Variants in ASB18 observed in about 807,000 individuals in gnomAD.
The protein encoded by ASB18 is ankyrin repeat and SOCS box containing 18.
A neutral mutation model predicts 33.4 loss-of-function variants in ASB18; 33 were observed. The observed-to-expected ratio is 0.99, with a 90% CI of 0.75 to 1.32. The LOEUF (loss-of-function observed/expected upper bound fraction) is 1.32. Ranked by LOEUF, ASB18 falls within the 40% of genes most tolerant of loss-of-function variation. The probability of loss-of-function intolerance (pLI) is 0.00; values close to 1 mark genes in which losing one functional copy is unlikely to be tolerated. For synonymous variants in ASB18, 295 were observed against 307.6 expected, an observed-to-expected ratio of 0.96 and a Z score of 0.43; for missense variants, 694 against 655.5, an observed-to-expected ratio of 1.06 and a Z score of -0.64.
At chr2:236,246,092 C>A (rs1460776530) in intron 1 of ASB18, among the ~76,000 whole-genome samples, 1 of 152,080 alleles carries the variant, frequency 6.6e-6, no homozygotes, top group Non-Finnish European at 1.5e-5. Context: ...GTAGCTCATG[C>A]CTATGATCCC....
At position 236,196,193 on chromosome 2, in the gene ASB18, G is replaced by A; in HGVS notation, c.1215+79C>T. On this transcript the variant is annotated intron_variant, in intron 5 of 5. Transcript: ENST00000409749. This position sits in a 1 kb window ranked among gnomAD's most constrained non-coding sequence, Gnocchi z 5.6. ...ATGTATAATACTTAGCCGAATATCA[G>A]TGCAAAACTCCCCATGCAAAGAAGC... 1 of 761,820 alleles carries A rather than the reference G, an allele frequency of 1.3e-6. No homozygotes were observed. Among genetic ancestry groups the A allele is most frequent in the Non-Finnish European group, 2.4e-6 (1 of 425,252 alleles). The allele number at this position is 761,820 out of a possible 1,614,324, so 47.2% of individuals were successfully genotyped here.
At position 236,196,118 on chromosome 2, in the gene ASB18, A is replaced by G. The variant is rs2060371288; in HGVS notation, c.1215+154T>C. ...TGTGTGATTATGGAGCCTCCAGAAA[A>G]AACCAGAAACGTGCAAATACACCCT... On this transcript the variant is annotated intron_variant, in intron 5 of 5. Transcript: ENST00000409749. This position sits in a 1 kb window ranked among gnomAD's most constrained non-coding sequence, Gnocchi z 5.6. The G allele has an allele frequency of 1.6e-5, 11 of 674,658 alleles. No individual in the cohort carries two copies. The South Asian group carries it at 1.8e-4, about 11-fold the overall frequency. The allele number at this position is 674,658 out of a possible 1,614,324, so 41.8% of individuals were successfully genotyped here.
Position 236,228,756 on chromosome 2 carries a change from A to C in ASB18, c.596+8933T>G. ...AGAGAGTACCAAAAAGAGTTGTCTC[A>C]GTAGCAGAAAAAAAAATTAACCTTA... On this transcript the variant is annotated intron_variant, in intron 3 of 5. Transcript: ENST00000409749. The surrounding 1 kb of genome is among the most constrained non-coding windows in gnomAD (Gnocchi z 5.1). 6.6e-6 allele frequency among the ~76,000 whole-genome samples: 1 copy of C among 152,174 alleles called. No homozygotes were observed. Among genetic ancestry groups the C allele is most frequent in the East Asian group, 1.9e-4 (1 of 5,190 alleles).
rs113672805 is a variant in ASB18 at position 236,252,267 on chromosome 2, TCACA to T, written c.206-10869_206-10866del. Among the ~76,000 whole-genome samples, 3,883 of 138,590 alleles carry T rather than the reference TCACA, an allele frequency of 0.028. 94 individuals carry two copies. The highest frequency in any genetic ancestry group is 0.07 in the African/African-American group (2,710 of 38,824). The allele number at this position is 138,590 out of a possible 152,430, so 90.9% of individuals were successfully genotyped here. A position where few individuals can be genotyped will look rare whatever the true frequency, so the allele number is the denominator to read the frequency against. On this transcript the variant is annotated intron_variant, in intron 1 of 5. Coordinates refer to ENST00000409749, the MANE Select transcript of ASB18 (RefSeq NM_212556.4). The surrounding 1 kb of genome is among the most constrained non-coding windows in gnomAD (Gnocchi z 7.9). Reference sequence around the variant, plus strand: ...GCCTTGGCAACAGAGTGAGACTCCGTCACACACACACACACACACACACACACAC... The same window carrying T: ...GCCTTGGCAACAGAGTGAGACTCCGTCACACACACACACACACACACACAC...
chr2:236,201,542 T>A (rs1044271315), intron 4 of ASB18, among the ~76,000 whole-genome samples: 1 of 152,230 alleles, frequency 6.6e-6, no homozygotes, highest in Admixed American at 6.5e-5. Flanking sequence ...GGTTATTTTT[T>A]AAAATGAACA....
intron 4 of ASB18, among the ~76,000 whole-genome samples, chr2:236,206,668 A>T (rs1304461145): frequency 6.6e-6 from 1 of 152,252 alleles, no homozygotes; most frequent in African/African-American, 2.4e-5. Context: ...AACCACCTGT[A>T]TCAGAGTCCA....
In ASB18 at chr2:236,259,336, G is replaced by A. The variant is rs770461418; in HGVS notation, c.205+4805C>T. Among the ~76,000 whole-genome samples the A allele has an allele frequency of 6.6e-6, 1 of 152,166 alleles. No individual in the cohort carries two copies. The highest frequency in any genetic ancestry group is 1.5e-5 in the Non-Finnish European group (1 of 68,040). ...ACCCAGAGTCCAAGCTTTCTCTCAG[G>A]GTTAATACCCTGTGCTAGGCTCTGG... On this transcript the variant is annotated intron_variant, in intron 1 of 5. Transcript: ENST00000409749. This position sits in a 1 kb window ranked among gnomAD's most constrained non-coding sequence, Gnocchi z 4.4.
intron 3 of ASB18, among the ~76,000 whole-genome samples, chr2:236,218,648 A>G (rs966069552): frequency 1.3e-5 from 2 of 151,876 alleles, no homozygotes; most frequent in African/African-American, 4.8e-5. Flanking sequence ...AATACAAAAA[A>G]TTAGCTAGGT....
At chr2:236,224,842 C>G (rs1365111738) in intron 3 of ASB18, among the ~76,000 whole-genome samples, 2 of 152,206 alleles carry the variant, frequency 1.3e-5, no homozygotes, top group Non-Finnish European at 2.9e-5. Flanking sequence ...TCTCTGAGAT[C>G]TCATTCTTCT....
rs1217733322 is a variant in ASB18 at position 236,253,266 on chromosome 2, A to G, written c.205+10875T>C. Among the ~76,000 whole-genome samples, 5 of 152,172 alleles carry G rather than the reference A, an allele frequency of 3.3e-5. No homozygotes were observed. Among genetic ancestry groups the G allele is most frequent in the African/African-American group, 4.8e-5 (2 of 41,442 alleles). ...GACTGCGGACTGAGGTGTTGTGGAG[A>G]TGTGGCTTGGACCAGAGTTTCTCAA... On this transcript the variant is annotated intron_variant, in intron 1 of 5. Transcript: ENST00000409749. The surrounding 1 kb of genome is among the most constrained non-coding windows in gnomAD (Gnocchi z 5.4).
rs2060723128 is a variant in ASB18, at chr2:236,262,434, C to A, written c.205+1707G>T. 6.6e-6 allele frequency among the ~76,000 whole-genome samples: 1 copy of A among 152,158 alleles called. No individual in the cohort carries two copies. On this transcript the variant is annotated intron_variant, in intron 1 of 5. Transcript: ENST00000409749. The surrounding 1 kb of genome is among the most constrained non-coding windows in gnomAD (Gnocchi z 5.2). ...GGGGCAGGAGCTGCTGGGCAGGAGC[C>A]AAGCCTTCCACAGAAGGAGGCTGCT...
At position 236,222,326 on chromosome 2, in the gene ASB18, G is replaced by A. The variant is rs1040847268; in HGVS notation, c.597-7460C>T. ...GACAAATCCTTCAGGGTAGGAGGGC[G>A]ACTGAGAAGAGAAACTGGTTGGCCA... On this transcript the variant is annotated intron_variant, in intron 3 of 5. Coordinates refer to ENST00000409749, the MANE Select transcript of ASB18 (RefSeq NM_212556.4). This position sits in a 1 kb window ranked among gnomAD's most constrained non-coding sequence, Gnocchi z 5.5. 6.6e-5 allele frequency among the ~76,000 whole-genome samples: 10 copies of A among 152,170 alleles called. No homozygotes were observed. The highest frequency in any genetic ancestry group is 1.7e-4 in the African/African-American group (7 of 41,438).
At position 236,245,678 on chromosome 2, in the gene ASB18, T is replaced by C. The variant is rs1054238292; in HGVS notation, c.206-4276A>G. ...ACTCTGACTGTGGCACTGGGCGCTC[T>C]ACTATTACTGCTGGTTCCTTGTCTG... On this transcript the variant is annotated intron_variant, in intron 1 of 5. Transcript: ENST00000409749. The surrounding 1 kb of genome is among the most constrained non-coding windows in gnomAD (Gnocchi z 4.7). 2.0e-5 allele frequency among the ~76,000 whole-genome samples: 3 copies of C among 152,148 alleles called. No individual in the cohort carries two copies. The East Asian group carries it at 5.8e-4, about 29-fold the overall frequency.
Position 236,203,458 on chromosome 2 carries a change from G to A in ASB18, c.1102-7073C>T, listed in dbSNP as rs2060416482. 6.6e-6 allele frequency among the ~76,000 whole-genome samples: 1 copy of A among 152,212 alleles called. No homozygotes were observed. Among genetic ancestry groups the A allele is most frequent in the African/African-American group, 2.4e-5 (1 of 41,454 alleles). On this transcript the variant is annotated intron_variant, in intron 4 of 5. Coordinates refer to ENST00000409749, the MANE Select transcript of ASB18 (RefSeq NM_212556.4). The surrounding 1 kb of genome is among the most constrained non-coding windows in gnomAD (Gnocchi z 6.0). Reference sequence around the variant, plus strand: ...TGGGGAGTGCTCGGAAATGAAACAGGAGAGGAAAGCAGGGAAGACCATGGA... The same window carrying A: ...TGGGGAGTGCTCGGAAATGAAACAGAAGAGGAAAGCAGGGAAGACCATGGA...
At chr2:236,247,125 CTTTTTTT>C (rs3033949) in intron 1 of ASB18, among the ~76,000 whole-genome samples, 1 of 133,748 alleles carries the variant, frequency 7.5e-6, no homozygotes, top group South Asian at 2.4e-4. Flanking sequence ...GAAACAGACT[CTTTTTTT>C]TTTTTTTTTT....
rs1433849840 is a variant in ASB18 at position 236,208,185 on chromosome 2, A to G, written c.1101+6177T>C. 6.6e-6 allele frequency among the ~76,000 whole-genome samples: 1 copy of G among 152,100 alleles called. No homozygotes were observed. Among genetic ancestry groups the G allele is most frequent in the Non-Finnish European group, 1.5e-5 (1 of 68,032 alleles). On this transcript the variant is annotated intron_variant, in intron 4 of 5. Coordinates refer to ENST00000409749, the MANE Select transcript of ASB18 (RefSeq NM_212556.4). The surrounding 1 kb of genome is among the most constrained non-coding windows in gnomAD (Gnocchi z 7.7). ...AGAGCATGAACACGGAGACACGGAG[A>G]AACCAAGCCACAGAGGGAGTGCCTG...
rs190032987 is a variant in ASB18 at position 236,238,748 on chromosome 2, G to A, written c.329-792C>T. 6.6e-6 allele frequency among the ~76,000 whole-genome samples: 1 copy of A among 152,276 alleles called. No homozygotes were observed. The highest frequency in any genetic ancestry group is 2.4e-5 in the African/African-American group (1 of 41,562). ...TTGTTAGCGGCCAGGAGCGCTCGTG[G>A]AAATGGGGGATGTAGTCCCTGGTGA... is the stretch of plus-strand genomic sequence containing the variant. On this transcript the variant is annotated intron_variant, in intron 2 of 5. Transcript: ENST00000409749. The surrounding 1 kb of genome is among the most constrained non-coding windows in gnomAD (Gnocchi z 5.2).
Position 236,217,424 on chromosome 2 carries a change from A to AATAAAAT in ASB18, c.597-2559_597-2558insATTTTAT, listed in dbSNP as rs1553600512. ...CGAGACTCTGTCTCAAAAAAAAAAAAAAATAAATCTTGGCACCTTCAACTC... is the reference window on the plus strand; with the variant it reads ...CGAGACTCTGTCTCAAAAAAAAAAAAATAAAATAAATAAATCTTGGCACCTTCAACTC... On this transcript the variant is annotated intron_variant, in intron 3 of 5. Coordinates refer to ENST00000409749, the MANE Select transcript of ASB18 (RefSeq NM_212556.4). This position sits in a 1 kb window ranked among gnomAD's most constrained non-coding sequence, Gnocchi z 5.2. Among the ~76,000 whole-genome samples, 33 of 150,404 alleles carry AATAAAAT rather than the reference A, an allele frequency of 2.2e-4. No individual in the cohort carries two copies. Among genetic ancestry groups the AATAAAAT allele is most frequent in the African/African-American group, 6.2e-4 (25 of 40,514 alleles).
In ASB18 at chr2:236,229,975, T is replaced by G. The variant is rs7566103; in HGVS notation, c.596+7714A>C. Among the ~76,000 whole-genome samples, 58,541 of 151,772 alleles carry G rather than the reference T, an allele frequency of 0.39. 11,815 individuals are homozygous for G. The highest frequency in any genetic ancestry group is 0.52 in the African/African-American group (21,488 of 41,378). Reference sequence around the variant, plus strand: ...AGCTATAAAAGAACAAAGATAAAACTAGGAGTTTGAGACCACCCTGGGCAG... The same window carrying G: ...AGCTATAAAAGAACAAAGATAAAACGAGGAGTTTGAGACCACCCTGGGCAG... On this transcript the variant is annotated intron_variant, in intron 3 of 5. Coordinates refer to ENST00000409749, the MANE Select transcript of ASB18 (RefSeq NM_212556.4). The surrounding 1 kb of genome is among the most constrained non-coding windows in gnomAD (Gnocchi z 5.2).
Sources: gnomAD v4.1 joint callset for allele counts (sites outside exome capture counted in the v4.1 genomes callset) on GRCh38, gnomAD v4.1.1 for gene constraint, Gnocchi (gnomAD v3.1) non-coding constraint, MANE v1.5 for transcripts, NCBI Gene and HGNC (gene_info 2026-07-23, HGNC 2026-07-21) for gene names.